Variants in LAMA5 observed in about 807,000 individuals in gnomAD.
LAMA5 encodes laminin subunit alpha-5.
LAMA5 carries 260 observed loss-of-function variants against 433.4 expected under a neutral mutation model. That is an observed-to-expected ratio of 0.60 (90% confidence interval 0.54 to 0.66). The LOEUF (loss-of-function observed/expected upper bound fraction) is 0.66, where lower values mean the gene tolerates loss of function less well. Ranked by LOEUF, LAMA5 falls within the 30% of genes least tolerant of loss-of-function variation. The pLI, the probability that LAMA5 is intolerant of heterozygous loss-of-function variation, is 0.00. For missense variants in LAMA5, 5,378 were observed against 5,258.5 expected (o/e 1.02, Z -0.70); for synonymous variants, 2,620 against 2,226.6 (o/e 1.18, Z -4.97).
At chr20:62,338,427 C>G in intron 12 of LAMA5, 41 bp downstream of exon 12, 1 of 1,607,862 alleles carries the variant, frequency 6.2e-7, no homozygotes, top group Non-Finnish European at 8.5e-7. Flanking sequence ...AGGTGTCCAC[C>G]TCGAGCGCAG....
chr20:62,328,722 C>A, intron 34 of LAMA5, 122 bp downstream of exon 34: 1 of 1,019,324 alleles, frequency 9.8e-7, no homozygotes. Context: ...GCAGATGGGG[C>A]AGCAATGCTG....
chr20:62,330,904 G>A lies in LAMA5; in HGVS notation c.3691C>T (p.Pro1231Ser). Residue 1231 changes from proline to serine, a missense_variant, in exon 30 of 80, where the codon CCC becomes TCC. Coordinates refer to ENST00000252999, the MANE Select transcript of LAMA5 (RefSeq NM_005560.6). Reference sequence around the variant, plus strand: ...ACCTGGCAGTCCCTGAGGATGATGGGCTGGGGCGGCTTTGGGAAGCGCGAG... The same window carrying A: ...ACCTGGCAGTCCCTGAGGATGATGGACTGGGGCGGCTTTGGGAAGCGCGAG... ...LPSRFPKPPQ[P>S]IILRDCQVIP... 2.6e-6 allele frequency: 4 copies of A among 1,547,846 alleles called. No homozygotes were observed. The highest frequency in any genetic ancestry group is 1.7e-6 in the Non-Finnish European group (2 of 1,146,086).
intron 3 of LAMA5, 147 bp downstream of exon 3, chr20:62,352,987 C>T (rs1014105309): frequency 2.5e-5 from 15 of 608,520 alleles, no homozygotes; most frequent in African/African-American, 5.7e-5. Flanking sequence ...CATGAGCCTT[C>T]GGGTCCTCGT....
intron 6 of LAMA5, among the ~76,000 whole-genome samples, chr20:62,350,040 CAG>C (rs761880735): frequency 6.6e-6 from 1 of 151,726 alleles, no homozygotes; most frequent in African/African-American, 2.4e-5. Context: ...GTCCTGGTAA[CAG>C]AGGCTGTGGT....
chr20:62,333,862 C>G, intron 23 of LAMA5, 39 bp downstream of exon 23: 2 of 1,505,372 alleles, frequency 1.3e-6, no homozygotes, highest in Admixed American at 2.0e-5. Flanking sequence ...GTGGGCTGGG[C>G]TGGTGGGGCA....
chr20:62,351,143 G>T (rs1984225056), intron 6 of LAMA5: 2 of 168,072 alleles, frequency 1.2e-5, no homozygotes, highest in South Asian at 3.1e-4. Flanking sequence ...GTGGGGTGTT[G>T]GCTGCCCCCA....
chr20:62,334,409 G>A (rs540186801), intron 21 of LAMA5, 67 bp from the exon 22 acceptor site: 154 of 1,525,082 alleles, frequency 1.0e-4, no homozygotes, highest in Admixed American at 9.4e-4. Flanking sequence ...AGCGGCCCCG[G>A]GTCTCCAGGG....
At chr20:62,363,383 T>C (rs2146374377) in intron 1 of LAMA5, among the ~76,000 whole-genome samples, 1 of 152,204 alleles carries the variant, frequency 6.6e-6, no homozygotes, top group East Asian at 1.9e-4. Context: ...GGGGCCACCG[T>C]GAGGAGTAAT....
chr20:62,330,762 G>C lies in LAMA5; in HGVS notation c.3833C>G (p.Thr1278Ser), dbSNP rs1285323389. ...PTAVDPDAEPTLLREPQATVV... is the reference protein window; with the variant it reads ...PTAVDPDAEPSLLREPQATVV... ...CCTCACCTGGGGCTCACGCAGCAGGGTGGGCTCTGCATCAGGGTCCACAGC... is the reference window on the plus strand; with the variant it reads ...CCTCACCTGGGGCTCACGCAGCAGGCTGGGCTCTGCATCAGGGTCCACAGC... Residue 1278 changes from threonine (T) to serine (S), a missense_variant, in exon 30 of 80, where the codon ACC (threonine) becomes AGC (serine). Physicochemically the swap from Thr to Ser is moderately conservative, Grantham distance 58. Transcript: ENST00000252999. 1 of 1,562,240 alleles carries C rather than the reference G, an allele frequency of 6.4e-7. No individual in the cohort carries two copies. Among genetic ancestry groups the C allele is most frequent in the East Asian group, 2.4e-5 (1 of 41,848 alleles).
Position 62,345,852 on chromosome 20 carries a change from G to C in LAMA5, c.1443C>G (p.Thr481=). The C allele has an allele frequency of 6.4e-7, 1 of 1,552,724 alleles. No homozygotes were observed. Among genetic ancestry groups the C allele is most frequent in the Non-Finnish European group, 8.7e-7 (1 of 1,147,966 alleles). Reference sequence around the variant, plus strand: ...GGCCGGCTGGCAGCACCTGCTCCCTGGTGTCATTGGAGGACGAGGGCGTCG... The same window carrying C: ...GGCCGGCTGGCAGCACCTGCTCCCTCGTGTCATTGGAGGACGAGGGCGTCG... ...CYPTPSSSND[T]REQVLPAGQI... is the part of the protein sequence containing the mutation. Residue 481 remains threonine, a synonymous_variant, in exon 11 of 80, where the codon ACC becomes ACG. Transcript: ENST00000252999.
intron 57 of LAMA5, 123 bp from the exon 58 acceptor site, chr20:62,316,181 C>A: frequency 1.5e-6 from 1 of 685,344 alleles, no homozygotes. Flanking sequence ...TGGACAGGGA[C>A]ACTCAGACAT....
intron 4 of LAMA5, 23 bp from the exon 5 acceptor site, chr20:62,352,102 C>T: frequency 6.2e-7 from 1 of 1,608,006 alleles, no homozygotes; most frequent in South Asian, 1.1e-5. Context: ...TGCGGTGACG[C>T]CAGTGTGGCC....
At position 62,312,206 on chromosome 20, in the gene LAMA5, C is replaced by T. The variant is rs1276540036; in HGVS notation, c.9471G>A (p.Gln3157=). The change falls in exon 69 of 80, where the codon CAG becomes CAA. Residue 3157 remains glutamine (Q), a synonymous_variant. Coordinates refer to ENST00000252999, the MANE Select transcript of LAMA5 (RefSeq NM_005560.6). ...CCCGGTAGTAGAGCAGGGCACTGTC[C>T]TGGGCGCTGTGGAAGCCGAAGCCGG... is the stretch of plus-strand genomic sequence containing the variant. ...VYSGFGFHSA[Q]DSALLYYRAS... 26 of 1,610,572 alleles carry T rather than the reference C, an allele frequency of 1.6e-5. No individual in the cohort carries two copies. Among genetic ancestry groups the T allele is most frequent in the Non-Finnish European group, 2.0e-5 (23 of 1,179,276 alleles).
chr20:62,345,615 TG>T, intron 11 of LAMA5: 1 of 659,342 alleles, frequency 1.5e-6, no homozygotes, highest in South Asian at 1.7e-5. Context: ...CCATGTTGCC[TG>T]GGCTAACTTT....
At chr20:62,322,787 TG>T in intron 45 of LAMA5, 29 bp from the exon 46 acceptor site, 1 of 1,381,852 alleles carries the variant, frequency 7.2e-7, no homozygotes. Context: ...ACTGCAGCCC[TG>T]GGCCCTCTCA....
intron 50 of LAMA5, 106 bp from the exon 51 acceptor site, chr20:62,319,901 G>A (rs545217234): frequency 1.2e-5 from 9 of 726,488 alleles, no homozygotes; most frequent in East Asian, 5.5e-5. Flanking sequence ...GGGAAGAGGG[G>A]CCCCTTATCT....
chr20:62,340,313 T>TG (rs1982392657), intron 11 of LAMA5, among the ~76,000 whole-genome samples: 1 of 142,180 alleles, frequency 7.0e-6, no homozygotes, highest in Non-Finnish European at 1.5e-5. Flanking sequence ...TTGTTTTTTT[T>TG]TTTTTTTTTT....
chr20:62,342,814 G>A (rs193214365), intron 11 of LAMA5, among the ~76,000 whole-genome samples: 1 of 152,336 alleles, frequency 6.6e-6, no homozygotes, highest in Admixed American at 6.5e-5. Flanking sequence ...ATAAAAAAGT[G>A]TGGATGATTT....
intron 1 of LAMA5, among the ~76,000 whole-genome samples, chr20:62,364,710 T>G (rs1260852543): frequency 6.6e-6 from 1 of 152,176 alleles, no homozygotes; most frequent in African/African-American, 2.4e-5. Context: ...CACCTGGGGC[T>G]GTGAGGGCCA....
Sources: allele counts gnomAD v4.1 joint callset (sites outside exome capture counted in the v4.1 genomes callset), GRCh38; gene constraint gnomAD v4.1.1; transcripts MANE v1.5; gene names NCBI Gene and HGNC (gene_info 2026-07-23, HGNC 2026-07-21).